Variants in EPHX1 observed in about 807,000 individuals in gnomAD.
EPHX1 encodes the protein epoxide hydratase.
In EPHX1, 40 loss-of-function variants were observed where a neutral mutation model predicts 43.2. The observed-to-expected ratio is 0.93, with a 90% CI of 0.72 to 1.21. EPHX1 has a LOEUF of 1.21. Among genes scored for constraint, EPHX1 ranks in the 50% most tolerant of loss-of-function variants. The pLI, the probability that EPHX1 is intolerant of heterozygous loss-of-function variation, is 0.00. For synonymous variants in EPHX1, 221 were observed against 226.7 expected, an observed-to-expected ratio of 0.98 and a Z score of 0.22; for missense variants, 550 against 570.4, an observed-to-expected ratio of 0.96 and a Z score of 0.36.
intron 1 of EPHX1, among the ~76,000 whole-genome samples, chr1:225,812,860 G>C (rs953956769): frequency 3.3e-5 from 5 of 152,158 alleles, no homozygotes; most frequent in African/African-American, 1.2e-4. Context: ...GATTCGAGGG[G>C]TGCCTAGGAT....
At chr1:225,839,746 A>G (rs1185168916) in intron 5 of EPHX1, 83 bp from the exon 6 acceptor site, 2 of 1,428,202 alleles carry the variant, frequency 1.4e-6, no homozygotes, top group Non-Finnish European at 2.0e-6. Context: ...CTCAGCCCTG[A>G]GGCCTGTTCC....
chr1:225,840,205 G>A (rs1668289135), intron 6 of EPHX1, among the ~76,000 whole-genome samples, 168 bp downstream of exon 6: 1 of 152,370 alleles, frequency 6.6e-6, no homozygotes, highest in Middle Eastern at 3.4e-3. Flanking sequence ...AGAATCAAGA[G>A]GATGGACCCT....
chr1:225,819,887 A>G lies in EPHX1; in HGVS notation c.-5-8838A>G, dbSNP rs1465967426. ...TCAAGTGTTTGGCTGGTCTTCTCCA[A>G]CTAAAATTAAAAATCCTTTGCTAAG... On this transcript the variant is annotated intron_variant, in intron 1 of 8. Coordinates refer to ENST00000272167, the MANE Select transcript of EPHX1 (RefSeq NM_001136018.4). Among the ~76,000 whole-genome samples, 4 of 152,310 alleles carry G rather than the reference A, an allele frequency of 2.6e-5. No homozygotes were observed. In the East Asian group the frequency reaches 5.8e-4, roughly 22 times the overall value.
rs1282923365 is a variant in EPHX1 at position 225,815,420 on chromosome 1, T to C, written c.-6+5251T>C. ...ATGCCCAGCTAATTTTCTTTTTTTT[T>C]TTTTTTTTTTTTTGTAGAGACAAGG... On this transcript the variant is annotated intron_variant, in intron 1 of 8. Coordinates refer to ENST00000272167, the MANE Select transcript of EPHX1 (RefSeq NM_001136018.4). Among the ~76,000 whole-genome samples the C allele has an allele frequency of 1.7e-4, 25 of 144,492 alleles. 5 individuals are homozygous for C. Among genetic ancestry groups the C allele is most frequent in the African/African-American group, 5.9e-4 (23 of 38,942 alleles). 94.8% of individuals were successfully genotyped at this position (144,492 alleles called of 152,430 possible). A position where few individuals can be genotyped will look rare whatever the true frequency, so the allele number is the denominator to read the frequency against.
chr1:225,844,147 G>A (rs1576047815), intron 7 of EPHX1, among the ~76,000 whole-genome samples: 1 of 152,182 alleles, frequency 6.6e-6, no homozygotes, highest in Non-Finnish European at 1.5e-5. Context: ...AGAACATGCT[G>A]CCTGGTATGT....
intron 2 of EPHX1, among the ~76,000 whole-genome samples, chr1:225,829,634 A>G (rs904906213): frequency 1.3e-5 from 2 of 152,142 alleles, no homozygotes; most frequent in Non-Finnish European, 2.9e-5. Context: ...GGCCCTGCCA[A>G]TCCTTTCTTT....
intron 1 of EPHX1, among the ~76,000 whole-genome samples, chr1:225,815,438 A>T (rs1666680379): frequency 3.4e-5 from 2 of 58,234 alleles, no homozygotes; most frequent in Non-Finnish European, 3.7e-5. Flanking sequence ...TTTTTTGTAG[A>T]GACAAGGTTT....
chr1:225,816,330 T>C (rs1029521537), intron 1 of EPHX1, among the ~76,000 whole-genome samples: 3 of 149,940 alleles, frequency 2.0e-5, no homozygotes, highest in African/African-American at 7.3e-5. Flanking sequence ...CTAACTTTTT[T>C]TAATTTTAAA....
At position 225,822,721 on chromosome 1, in the gene EPHX1, GAA is replaced by G. The variant is rs374499547; in HGVS notation, c.-5-6001_-5-6000del. Among the ~76,000 whole-genome samples the G allele has an allele frequency of 5.9e-3, 899 of 152,284 alleles. 13 individuals carry two copies. Among genetic ancestry groups the G allele is most frequent in the African/African-American group, 0.021 (854 of 41,566 alleles). On this transcript the variant is annotated intron_variant, in intron 1 of 8. Coordinates refer to ENST00000272167, the MANE Select transcript of EPHX1 (RefSeq NM_001136018.4). The stretch of plus-strand genomic sequence containing the variant: ...AGAATGCACCTTCTCCGAACAGATG[GAA>G]AAGAGGGGTGGAGATTACCCCAGGG...
At chr1:225,841,243 TTA>T (rs1256843892) in intron 6 of EPHX1, 1 of 152,200 alleles carries the variant, frequency 6.6e-6, no homozygotes, top group Non-Finnish European at 1.5e-5. Context: ...TTGCTCAATA[TTA>T]TGTTTGTGAG....
chr1:225,832,739 T>C (rs564566998), intron 3 of EPHX1, among the ~76,000 whole-genome samples: 1 of 152,324 alleles, frequency 6.6e-6, no homozygotes, highest in African/African-American at 2.4e-5. Flanking sequence ...TCGGTAATGG[T>C]CATCCTAATG....
Position 225,845,401 on chromosome 1 carries a change from T to C in EPHX1, c.*54T>C. ...CCCCCCACAAGTGCCCTCCAGGCTT[T>C]TCTTGGGGAAGATACCCCTTTTCTG... is the stretch of plus-strand genomic sequence containing the variant. On this transcript the variant is annotated 3_prime_UTR_variant, in exon 9 of 9. Coordinates refer to ENST00000272167, the MANE Select transcript of EPHX1 (RefSeq NM_001136018.4). 2.0e-6 allele frequency: 3 copies of C among 1,503,844 alleles called. No homozygotes were observed. The highest frequency in any genetic ancestry group is 2.7e-6 in the Non-Finnish European group (3 of 1,123,940). 93.2% of individuals were successfully genotyped at this position (1,503,844 alleles called of 1,614,324 possible).
chr1:225,829,320 G>A (rs752114042), intron 2 of EPHX1, among the ~76,000 whole-genome samples: 8 of 152,178 alleles, frequency 5.3e-5, no homozygotes, highest in Non-Finnish European at 8.8e-5. Flanking sequence ...GTTAGGCACC[G>A]GCTGTGTGTC....
At chr1:225,812,625 C>T (rs1160188659) in intron 1 of EPHX1, among the ~76,000 whole-genome samples, 3 of 152,250 alleles carry the variant, frequency 2.0e-5, no homozygotes, top group Non-Finnish European at 4.4e-5. Context: ...CACCTGGCAC[C>T]TTGATTCCCG....
chr1:225,844,571 C>A lies in EPHX1; in HGVS notation c.1114C>A (p.Arg372Ser). The change falls in exon 8 of 9, where the codon CGC (arginine) becomes AGC (serine). Residue 372 changes from arginine to serine, a missense_variant. Transcript: ENST00000272167. ...WTTGTIISSQ[R>S]FYKENLGQGW... ...AACAGGCACCATCATCTCCTCCCAG[C>A]GCTTCTACAAGGAGAACCTGGGACA... 2 of 1,614,146 alleles carry A rather than the reference C, an allele frequency of 1.2e-6. No homozygotes were observed. The highest frequency in any genetic ancestry group is 1.7e-6 in the Non-Finnish European group (2 of 1,180,012).
chr1:225,822,678 T>A (rs1394134345), intron 1 of EPHX1, among the ~76,000 whole-genome samples: 1 of 152,218 alleles, frequency 6.6e-6, no homozygotes, highest in Non-Finnish European at 1.5e-5. Flanking sequence ...GCCACCAGAA[T>A]TCTGCCCCTT....
rs769782064 is a variant in EPHX1, at chr1:225,845,296, G to A, written c.1317G>A (p.Glu439=). The change falls in exon 9 of 9, where the codon GAG becomes GAA. Residue 439 remains glutamate (E), a synonymous_variant. Transcript: ENST00000272167. The part of the protein sequence containing the change: ...GGHFAAFEEP[E]LLAQDIRKFL... Reference sequence around the variant, plus strand: ...ACTTTGCGGCCTTTGAGGAGCCGGAGCTGCTCGCCCAGGACATCCGCAAGT... The same window carrying A: ...ACTTTGCGGCCTTTGAGGAGCCGGAACTGCTCGCCCAGGACATCCGCAAGT... 4 of 1,612,710 alleles carry A rather than the reference G, an allele frequency of 2.5e-6. No homozygotes were observed. The highest frequency in any genetic ancestry group is 2.7e-5 in the African/African-American group (2 of 75,012).
Position 225,845,171 on chromosome 1 carries a change from TTC to T in EPHX1, c.1196_1197del (p.Ser399CysfsTer5), listed in dbSNP as rs1668849327. On this transcript the variant is annotated frameshift_variant, in exon 9 of 9. Coordinates refer to ENST00000272167, the MANE Select transcript of EPHX1 (RefSeq NM_001136018.4). LOFTEE classifies it high-confidence loss of function. ...ERMKVYVPTG[F>X]SAFPFELLHT... ...GATGAAGGTCTATGTGCCCACTGGCTTCTCTGCCTTCCCTTTTGAGCTATTGC... is the reference window on the plus strand; with the variant it reads ...GATGAAGGTCTATGTGCCCACTGGCTTCTGCCTTCCCTTTTGAGCTATTGC... 6.2e-7 allele frequency: 1 copy of T among 1,614,192 alleles called. No individual in the cohort carries two copies. The highest frequency in any genetic ancestry group is 1.1e-5 in the South Asian group (1 of 91,092).
chr1:225,811,802 C>T (rs1280895294), intron 1 of EPHX1, among the ~76,000 whole-genome samples: 3 of 152,146 alleles, frequency 2.0e-5, no homozygotes, highest in Non-Finnish European at 4.4e-5. Flanking sequence ...CTAGGAGGCG[C>T]TGAGGAGGCA....
Sources: allele counts gnomAD v4.1 joint callset (sites outside exome capture counted in the v4.1 genomes callset), GRCh38; gene constraint gnomAD v4.1.1; transcripts MANE v1.5; gene names NCBI Gene and HGNC (gene_info 2026-07-23, HGNC 2026-07-21).